LSAMP: variants seen among roughly 807,000 people sequenced by gnomAD.
The protein encoded by LSAMP is limbic system associated membrane protein.
LSAMP carries 7 observed loss-of-function variants against 38.6 expected under a neutral mutation model. The observed-to-expected ratio is 0.18, with a 90% confidence interval of 0.10 to 0.34. The LOEUF is 0.34. LSAMP is among the 10% of genes least tolerant of loss of function. The pLI, the probability that LSAMP is intolerant of heterozygous loss-of-function variation, is 1.00. For missense variants in LSAMP, 313 were observed against 420.0 expected (o/e 0.75, Z 2.23); for synonymous variants, 154 against 166.8 (o/e 0.92, Z 0.59).
chr3:116,130,092 G>A lies in LSAMP; in HGVS notation c.156-43536C>T, dbSNP rs547108913. Among the ~76,000 whole-genome samples the A allele has an allele frequency of 2.6e-5, 4 of 152,266 alleles. No homozygotes were observed. In the East Asian group the frequency reaches 7.7e-4, roughly 29 times the overall value. ...AGTTTCAAGGACAGTATTTTAAAGA[G>A]ACAAATATTCTGGGTAATTGTGCTG... On this transcript the variant is annotated intron_variant, in intron 1 of 6. Coordinates refer to ENST00000490035, the MANE Select transcript of LSAMP (RefSeq NM_002338.5).
chr3:116,311,148 T>C lies in LSAMP; in HGVS notation c.155+133729A>G, dbSNP rs144657752. 8.0e-4 allele frequency among the ~76,000 whole-genome samples: 122 copies of C among 152,260 alleles called. 1 individual carries two copies. In the East Asian group the frequency reaches 0.018, roughly 23 times the overall value. ...ATCATTTGTAGAAATCATTATGTAA[T>C]TTCTAAGACCTGGATAACCCTGAAA... On this transcript the variant is annotated intron_variant, in intron 1 of 6. Coordinates refer to ENST00000490035, the MANE Select transcript of LSAMP (RefSeq NM_002338.5).
chr3:116,245,571 T>C (rs1376955402), intron 1 of LSAMP, among the ~76,000 whole-genome samples: 3 of 152,180 alleles, frequency 2.0e-5, no homozygotes, highest in Non-Finnish European at 4.4e-5. Context: ...TTTCTCACTT[T>C]CCCCCAAACA....
At chr3:116,236,665 G>A (rs2046468737) in intron 1 of LSAMP, among the ~76,000 whole-genome samples, 1 of 151,978 alleles carries the variant, frequency 6.6e-6, no homozygotes, top group Non-Finnish European at 1.5e-5. Flanking sequence ...GCCAATTATT[G>A]TACACTGCAT....
intron 2 of LSAMP, among the ~76,000 whole-genome samples, chr3:116,058,735 A>G (rs1941536626): frequency 6.6e-6 from 1 of 152,168 alleles, no homozygotes; most frequent in South Asian, 2.1e-4. Context: ...CATATTTTAG[A>G]TACTCAAATT....
At chr3:116,366,697 T>G (rs2048358952) in intron 1 of LSAMP, among the ~76,000 whole-genome samples, 1 of 152,226 alleles carries the variant, frequency 6.6e-6, no homozygotes, top group South Asian at 2.1e-4. Flanking sequence ...TACTAGGAGC[T>G]GGGAATTCAC....
intron 1 of LSAMP, among the ~76,000 whole-genome samples, chr3:116,204,655 G>A (rs2046041038): frequency 1.3e-5 from 2 of 152,018 alleles, no homozygotes; most frequent in Admixed American, 1.3e-4. Flanking sequence ...TTATTAATTA[G>A]GGAATCCTTT....
chr3:116,205,911 G>T, intron 1 of LSAMP, among the ~76,000 whole-genome samples: 1 of 141,534 alleles, frequency 7.1e-6, no homozygotes, highest in East Asian at 2.1e-4. Flanking sequence ...AATGATGCTG[G>T]CCTCATAAAA....
intron 3 of LSAMP, among the ~76,000 whole-genome samples, chr3:115,894,342 A>G (rs995444020): frequency 6.6e-6 from 1 of 151,912 alleles, no homozygotes; most frequent in African/African-American, 2.4e-5. Flanking sequence ...TACATGCAAC[A>G]CCTAAAGGGC....
intron 3 of LSAMP, among the ~76,000 whole-genome samples, chr3:115,927,943 G>A (rs1359296828): frequency 6.6e-6 from 1 of 152,140 alleles, no homozygotes; most frequent in Non-Finnish European, 1.5e-5. Flanking sequence ...TACTTGATAA[G>A]CATACTTTTA....
chr3:115,849,674 C>A (rs1935269282), intron 4 of LSAMP, among the ~76,000 whole-genome samples: 1 of 152,150 alleles, frequency 6.6e-6, no homozygotes, highest in South Asian at 2.1e-4. Flanking sequence ...CTGGGCATTT[C>A]TTTGCATGTA....
intron 1 of LSAMP, among the ~76,000 whole-genome samples, chr3:116,278,395 G>C (rs2107678958): frequency 6.6e-6 from 1 of 152,032 alleles, no homozygotes; most frequent in Non-Finnish European, 1.5e-5. Context: ...TTTACTGCTT[G>C]TTCTCCACCT....
Position 115,868,991 on chromosome 3 carries a change from C to T in LSAMP, c.515-16374G>A, listed in dbSNP as rs73140499. 6.3e-3 allele frequency among the ~76,000 whole-genome samples: 964 copies of T among 152,130 alleles called. 5 individuals carry two copies. The highest frequency in any genetic ancestry group is 1.0e-2 in the Admixed American group (152 of 15,246). The stretch of plus-strand genomic sequence containing the variant: ...TCAGGAAAAAAAACCCATATTTTAT[C>T]CTAGTGACAAAGCTGTTAAGCTCAG... On this transcript the variant is annotated intron_variant, in intron 3 of 6. Coordinates refer to ENST00000490035, the MANE Select transcript of LSAMP (RefSeq NM_002338.5).
At chr3:116,180,212 T>C (rs1185712786) in intron 1 of LSAMP, among the ~76,000 whole-genome samples, 1 of 152,140 alleles carries the variant, frequency 6.6e-6, no homozygotes, top group Non-Finnish European at 1.5e-5. Context: ...GTCTCTGCTC[T>C]CATGGAACTT....
Position 116,445,419 on chromosome 3 carries a change from C to G in LSAMP, c.-388G>C. The G allele has an allele frequency of 8.2e-6, 3 of 367,892 alleles. No homozygotes were observed. Among genetic ancestry groups the G allele is most frequent in the Non-Finnish European group, 9.6e-6 (2 of 207,810 alleles). The allele number at this position is 367,892 out of a possible 1,614,324, so 22.8% of individuals were successfully genotyped here. The stretch of plus-strand genomic sequence containing the variant: ...TCGCTCTGTAACCCACTTTCCCAGG[C>G]TGGCGGGCGGGCGGGCGAGGGAGCC... On this transcript the variant is annotated 5_prime_UTR_variant, in exon 1 of 7. Coordinates refer to ENST00000490035, the MANE Select transcript of LSAMP (RefSeq NM_002338.5).
At chr3:116,136,561 T>C (rs1451335088) in intron 1 of LSAMP, among the ~76,000 whole-genome samples, 2 of 152,166 alleles carry the variant, frequency 1.3e-5, no homozygotes, top group African/African-American at 4.8e-5. Flanking sequence ...GATCTTTGAT[T>C]CTTTTAAACA....
At chr3:116,408,858 T>TAGTTGTACATATGGTCTTTCTC (rs1167379355) in intron 1 of LSAMP, among the ~76,000 whole-genome samples, 39 of 152,256 alleles carry the variant, frequency 2.6e-4, no homozygotes, top group Non-Finnish European at 3.4e-4. Context: ...TTCTTTGCTT[T>TAGTTGTACATATGGTCTTTCTC]AGTTGTACAT....
At chr3:116,142,126 A>G (rs924877474) in intron 1 of LSAMP, among the ~76,000 whole-genome samples, 1 of 152,000 alleles carries the variant, frequency 6.6e-6, no homozygotes, top group Admixed American at 6.6e-5. Flanking sequence ...CACTTATAGC[A>G]TGGACACTAA....
intron 1 of LSAMP, among the ~76,000 whole-genome samples, chr3:116,403,494 GA>G (rs542504536): frequency 8.3e-4 from 122 of 146,262 alleles, no homozygotes; most frequent in South Asian, 4.7e-3. Flanking sequence ...TTCTTAAAAA[GA>G]AAAAAAAAAT....
chr3:116,317,424 C>T (rs962699540), intron 1 of LSAMP, among the ~76,000 whole-genome samples: 4 of 151,154 alleles, frequency 2.6e-5, no homozygotes, highest in East Asian at 2.0e-4. Flanking sequence ...GGCGCGATCT[C>T]GGCTCACTGC....
Sources: gnomAD v4.1 joint callset for allele counts (sites outside exome capture counted in the v4.1 genomes callset) on GRCh38, gnomAD v4.1.1 for gene constraint, MANE v1.5 for transcripts, NCBI Gene and HGNC (gene_info 2026-07-23, HGNC 2026-07-21) for gene names.